Variants in JPH2 observed in about 807,000 individuals in gnomAD.
JPH2 encodes the protein junctophilin-2.
Under a neutral mutation model 55.9 loss-of-function variants are expected in JPH2, and 38 were observed. The observed-to-expected ratio is 0.68, with a 90% confidence interval of 0.52 to 0.89. The LOEUF is 0.89. Among genes scored for constraint, JPH2 ranks in the 40% least tolerant of loss-of-function variants. The probability of loss-of-function intolerance (pLI) is 0.00; values close to 1 mark genes in which losing one functional copy is unlikely to be tolerated. For missense variants in JPH2, 964 were observed against 1,037.6 expected, an observed-to-expected ratio of 0.93 and a Z score of 0.97; for synonymous variants, 480 against 472.4, an observed-to-expected ratio of 1.02 and a Z score of -0.21.
chr20:44,164,230 G>A (rs2072637757), intron 1 of JPH2, among the ~76,000 whole-genome samples: 1 of 152,166 alleles, frequency 6.6e-6, no homozygotes, highest in South Asian at 2.1e-4. Context: ...GGATAGATGG[G>A]AAACCAACAG....
rs145509912 is a variant in JPH2, at chr20:44,149,228, T to C, written c.1169+10390A>G. On this transcript the variant is annotated intron_variant, in intron 2 of 5. Coordinates refer to ENST00000372980, the MANE Select transcript of JPH2 (RefSeq NM_020433.5). ...CCCAGTGGCTCTGCCATGTTTCATG[T>C]CTCCACCATCTCCCCAGATCCCTGC... Among the ~76,000 whole-genome samples, 137 of 151,998 alleles carry C rather than the reference T, an allele frequency of 9.0e-4. 1 individual carries two copies. Among genetic ancestry groups the C allele is most frequent in the African/African-American group, 3.1e-3 (129 of 41,448 alleles).
intron 2 of JPH2, among the ~76,000 whole-genome samples, chr20:44,123,991 C>T (rs550486135): frequency 6.6e-6 from 1 of 152,294 alleles, no homozygotes; most frequent in East Asian, 1.9e-4. Context: ...ATCTCTGGAT[C>T]CATGCCTCTG....
At chr20:44,178,759 CA>C (rs2072755831) in intron 1 of JPH2, among the ~76,000 whole-genome samples, 1 of 152,126 alleles carries the variant, frequency 6.6e-6, no homozygotes, top group Admixed American at 6.6e-5. Context: ...TATAAAGCTA[CA>C]GTAACCAAGG....
At chr20:44,120,754 CA>C (rs1464278773) in intron 2 of JPH2, among the ~76,000 whole-genome samples, 1 of 151,944 alleles carries the variant, frequency 6.6e-6, no homozygotes, top group Non-Finnish European at 1.5e-5. Flanking sequence ...AAACAAATCA[CA>C]AAAAAAATCC....
rs964511164 is a variant in JPH2, at chr20:44,107,913, G to C, written c.*5605C>G. On this transcript the variant is annotated 3_prime_UTR_variant, in exon 6 of 6. Coordinates refer to ENST00000372980, the MANE Select transcript of JPH2 (RefSeq NM_020433.5). ...TAACAGGAGTGTCTTTGTTATTCATGGTGGGCTCCTGGGACCACAACTCAC... is the reference window on the plus strand; with the variant it reads ...TAACAGGAGTGTCTTTGTTATTCATCGTGGGCTCCTGGGACCACAACTCAC... Among the ~76,000 whole-genome samples the C allele has an allele frequency of 4.6e-5, 7 of 152,172 alleles. No homozygotes were observed. The highest frequency in any genetic ancestry group is 1.7e-4 in the African/African-American group (7 of 41,444).
chr20:44,164,004 C>G (rs1173164174), intron 1 of JPH2, among the ~76,000 whole-genome samples: 2 of 152,182 alleles, frequency 1.3e-5, no homozygotes, highest in Admixed American at 1.3e-4. Context: ...GGCATGATCT[C>G]ATAGAGGAAG....
chr20:44,152,043 C>T (rs1246550027), intron 2 of JPH2, among the ~76,000 whole-genome samples: 1 of 152,228 alleles, frequency 6.6e-6, no homozygotes, highest in Non-Finnish European at 1.5e-5. Context: ...TCCTCCCTCT[C>T]CACCACCAAC....
chr20:44,162,748 A>ATG (rs2145881620), intron 1 of JPH2, among the ~76,000 whole-genome samples: 1 of 29,104 alleles, frequency 3.4e-5, no homozygotes, highest in South Asian at 1.3e-3. Flanking sequence ...AAACTTCCAT[A>ATG]TATATATATA....
chr20:44,141,728 C>T (rs984618864), intron 2 of JPH2, among the ~76,000 whole-genome samples: 5 of 151,946 alleles, frequency 3.3e-5, no homozygotes, highest in East Asian at 1.9e-4. Context: ...AGGCTGGTCT[C>T]GAACTCCTGG....
chr20:44,166,231 G>A (rs747540399), intron 1 of JPH2, among the ~76,000 whole-genome samples: 1 of 152,180 alleles, frequency 6.6e-6, no homozygotes, highest in Non-Finnish European at 1.5e-5. Context: ...CTGTTTTACA[G>A]ATCAGAAAAA....
rs1465565186 is a variant in JPH2, at chr20:44,116,275, C to T, written c.1400G>A (p.Arg467His). The change falls in exon 4 of 6, where the codon CGC becomes CAC. Residue 467 changes from arginine to histidine, a missense_variant. Arg to His is a conservative substitution (Grantham distance 29, BLOSUM62 0). Transcript: ENST00000372980. Reference protein sequence around the residue: ...AGAAGLPQPPRESPQLHERET... With the variant: ...AGAAGLPQPPHESPQLHERET... ...ACGCTCGTGCAGCTGCGGGCTCTCG[C>T]GGGGCGGCTGTGGGAGGCCCGCTGC... The T allele has an allele frequency of 2.6e-6, 4 of 1,529,812 alleles. No individual in the cohort carries two copies. The highest frequency in any genetic ancestry group is 1.2e-5 in the South Asian group (1 of 82,850). 94.8% of individuals were successfully genotyped at this position (1,529,812 alleles called of 1,614,324 possible). A position where few individuals can be genotyped will look rare whatever the true frequency, so the allele number is the denominator to read the frequency against.
At chr20:44,161,929 G>A (rs1189140872) in intron 1 of JPH2, among the ~76,000 whole-genome samples, 3 of 151,960 alleles carry the variant, frequency 2.0e-5, no homozygotes, top group Non-Finnish European at 2.9e-5. Flanking sequence ...GGAAATTTGT[G>A]TTCCCTCAGA....
chr20:44,156,564 A>G (rs2072567997), intron 2 of JPH2, among the ~76,000 whole-genome samples: 1 of 152,110 alleles, frequency 6.6e-6, no homozygotes, highest in African/African-American at 2.4e-5. Context: ...TGGTGAGGCC[A>G]TTGTCTTCCT....
intron 1 of JPH2, chr20:44,177,688 A>T: frequency 7.8e-7 from 1 of 1,281,302 alleles, no homozygotes; most frequent in South Asian, 1.7e-5. Flanking sequence ...CATGTCTGGC[A>T]TGGATTCCAT....
In JPH2 at chr20:44,116,206, G is replaced by A; in HGVS notation, c.1469C>T (p.Thr490Met). The change falls in exon 4 of 6, where the codon ACG becomes ATG. Residue 490 changes from threonine to methionine, a missense_variant. By Grantham distance (81) the Thr-to-Met change is moderately conservative. Coordinates refer to ENST00000372980, the MANE Select transcript of JPH2 (RefSeq NM_020433.5). The part of the protein sequence containing the change: ...PEGGSPSPAG[T>M]PPQPKRPRPG... ...CCTGGGCCGCTTGGGCTGCGGGGGC[G>A]TCCCGGCCGGTGACGGGGAGCCACC... The A allele has an allele frequency of 1.4e-6, 2 of 1,392,130 alleles. No homozygotes were observed. Among genetic ancestry groups the A allele is most frequent in the Non-Finnish European group, 1.8e-6 (2 of 1,084,672 alleles). The allele number at this position is 1,392,130 out of a possible 1,614,324, so 86.2% of individuals were successfully genotyped here. A position where few individuals can be genotyped will look rare whatever the true frequency, so the allele number is the denominator to read the frequency against.
intron 2 of JPH2, among the ~76,000 whole-genome samples, chr20:44,126,710 C>T (rs1354522170): frequency 2.0e-5 from 3 of 152,222 alleles, no homozygotes; most frequent in South Asian, 2.1e-4. Flanking sequence ...CATTCTCATT[C>T]GGCAAATGTG....
chr20:44,163,587 A>G (rs2072631445), intron 1 of JPH2, among the ~76,000 whole-genome samples: 1 of 152,212 alleles, frequency 6.6e-6, no homozygotes, highest in South Asian at 2.1e-4. Flanking sequence ...CAGTCCTGTG[A>G]GGTGAGTCCC....
At chr20:44,163,803 T>C (rs2072633621) in intron 1 of JPH2, among the ~76,000 whole-genome samples, 1 of 152,204 alleles carries the variant, frequency 6.6e-6, no homozygotes, top group Non-Finnish European at 1.5e-5. Flanking sequence ...TCAATTCCTG[T>C]TTATTCTGTT....
At chr20:44,183,224 C>A (rs1158129564) in intron 1 of JPH2, among the ~76,000 whole-genome samples, 1 of 152,258 alleles carries the variant, frequency 6.6e-6, no homozygotes, top group Non-Finnish European at 1.5e-5. Context: ...GCCAGAGAAA[C>A]TGAGGCTTGC....
Sources: allele counts gnomAD v4.1 joint callset (sites outside exome capture counted in the v4.1 genomes callset), GRCh38; gene constraint gnomAD v4.1.1; transcripts MANE v1.5; gene names NCBI Gene and HGNC (gene_info 2026-07-23, HGNC 2026-07-21).